Variants in SELENOT observed in about 807,000 individuals in gnomAD.
The protein encoded by SELENOT is selenoprotein T.
SELENOT carries 9 observed loss-of-function variants against 24.3 expected under a neutral mutation model. The observed-to-expected ratio is 0.37, with a 90% CI of 0.22 to 0.65. SELENOT has a LOEUF of 0.65. Among genes scored for constraint, SELENOT ranks in the 30% least tolerant of loss-of-function variants. The pLI is 0.60. For missense variants in SELENOT, 166 were observed against 247.6 expected (o/e 0.67, Z 2.21); for synonymous variants, 81 against 86.0 (o/e 0.94, Z 0.32).
chr3:150,621,697 G>T (rs1365075844), intron 1 of SELENOT, among the ~76,000 whole-genome samples: 1 of 135,190 alleles, frequency 7.4e-6, no homozygotes, highest in African/African-American at 2.7e-5. Flanking sequence ...TTAATCTCCA[G>T]AGTAATTATA....
In SELENOT at chr3:150,603,358, T is replaced by A. The variant is rs1725886947; in HGVS notation, c.-5T>A. 1 of 1,609,634 alleles carries A rather than the reference T, an allele frequency of 6.2e-7. No homozygotes were observed. Among genetic ancestry groups the A allele is most frequent in the Admixed American group, 1.7e-5 (1 of 59,786 alleles). The stretch of plus-strand genomic sequence containing the variant: ...AGGGCGGCCGAAGTGGCTGGCTCAT[T>A]TAAGATGAGGCTTCTGCTGCTTCTC... On this transcript the variant is annotated 5_prime_UTR_variant, in exon 1 of 6. Coordinates refer to ENST00000471696, the MANE Select transcript of SELENOT (RefSeq NM_016275.5).
chr3:150,615,252 C>A (rs1473676533), intron 1 of SELENOT, among the ~76,000 whole-genome samples: 66 of 152,046 alleles, frequency 4.3e-4, no homozygotes, highest in African/African-American at 1.4e-3. Context: ...CATTTTCTTA[C>A]TCCAGTCTAT....
chr3:150,619,533 C>CA (rs567349505), intron 1 of SELENOT, among the ~76,000 whole-genome samples: 5 of 151,966 alleles, frequency 3.3e-5, no homozygotes, highest in South Asian at 2.1e-4. Flanking sequence ...GAGACTGTCT[C>CA]AAAAAAAAGA....
intron 3 of SELENOT, among the ~76,000 whole-genome samples, 197 bp downstream of exon 3, chr3:150,623,366 T>C (rs1726380883): frequency 6.6e-6 from 1 of 152,140 alleles, no homozygotes; most frequent in African/African-American, 2.4e-5. Flanking sequence ...TTAAGAATGA[T>C]TAGGTCTTAA....
chr3:150,627,159 C>G lies in SELENOT; in HGVS notation c.*25C>G. 1.9e-6 allele frequency: 3 copies of G among 1,600,692 alleles called. No individual in the cohort carries two copies. Among genetic ancestry groups the G allele is most frequent in the Non-Finnish European group, 2.6e-6 (3 of 1,172,776 alleles). On this transcript the variant is annotated 3_prime_UTR_variant, in exon 5 of 6. Coordinates refer to ENST00000471696, the MANE Select transcript of SELENOT (RefSeq NM_016275.5). ...GCACCACCTATCAGCACTGAAAACTCTTTTGTAAGTTGTTTAAAATATAGC... is the reference window on the plus strand; with the variant it reads ...GCACCACCTATCAGCACTGAAAACTGTTTTGTAAGTTGTTTAAAATATAGC...
chr3:150,604,497 A>G (rs1188732446), intron 1 of SELENOT, among the ~76,000 whole-genome samples: 1 of 152,202 alleles, frequency 6.6e-6, no homozygotes, highest in African/African-American at 2.4e-5. Context: ...CAGAGTCCGG[A>G]TACATTGGAA....
chr3:150,620,676 A>G (rs1726323596), intron 1 of SELENOT, among the ~76,000 whole-genome samples: 2 of 152,330 alleles, frequency 1.3e-5, no homozygotes, highest in African/African-American at 4.8e-5. Context: ...CCAAGTCTCT[A>G]GTTCTCAAAT....
chr3:150,615,305 G>C (rs1174650691), intron 1 of SELENOT, among the ~76,000 whole-genome samples: 1 of 151,624 alleles, frequency 6.6e-6, no homozygotes, highest in African/African-American at 2.4e-5. Context: ...TTGCTATTGT[G>C]AATAATGCCG....
intron 1 of SELENOT, chr3:150,611,364 A>G (rs1232373332): frequency 8.4e-7 from 1 of 1,196,042 alleles, no homozygotes; most frequent in Non-Finnish European, 1.2e-6. Flanking sequence ...GAATAGACCT[A>G]AAGTGGCAAC....
intron 1 of SELENOT, among the ~76,000 whole-genome samples, chr3:150,610,928 C>T (rs1726071568): frequency 6.6e-6 from 1 of 151,448 alleles, no homozygotes; most frequent in African/African-American, 2.4e-5. Context: ...TGACCATTGT[C>T]TTGTTGGTCA....
At chr3:150,615,859 C>T (rs1316772750) in intron 1 of SELENOT, among the ~76,000 whole-genome samples, 1 of 151,090 alleles carries the variant, frequency 6.6e-6, no homozygotes, top group African/African-American at 2.4e-5. Flanking sequence ...CTTTAAAGTT[C>T]ATATGGAACC....
chr3:150,603,798 G>C lies in SELENOT; in HGVS notation c.137+299G>C, dbSNP rs371989334. The C allele has an allele frequency of 4.1e-4, 99 of 239,232 alleles. No individual in the cohort carries two copies. In the Middle Eastern group the frequency reaches 4.8e-3, roughly 12 times the overall value. The allele number at this position is 239,232 out of a possible 1,614,324, so 14.8% of individuals were successfully genotyped here. A position where few individuals can be genotyped will look rare whatever the true frequency, so the allele number is the denominator to read the frequency against. ...ACTGGGGGACACCTGTTAGTACGGA[G>C]GACTGGTTGGCGGCGTCACGCCATA... is the stretch of plus-strand genomic sequence containing the variant. On this transcript the variant is annotated intron_variant, in intron 1 of 5. Coordinates refer to ENST00000471696, the MANE Select transcript of SELENOT (RefSeq NM_016275.5).
intron 1 of SELENOT, chr3:150,611,425 T>C: frequency 8.0e-7 from 1 of 1,249,888 alleles, no homozygotes; most frequent in Non-Finnish European, 1.2e-6. Context: ...GGTTGGTGGC[T>C]TTAAGTGTCT....
chr3:150,626,590 T>C (rs1726450439), intron 4 of SELENOT, among the ~76,000 whole-genome samples: 1 of 152,196 alleles, frequency 6.6e-6, no homozygotes, highest in Non-Finnish European at 1.5e-5. Context: ...ATGCTGATTT[T>C]CTCTTATTTT....
Position 150,628,403 on chromosome 3 carries a change from C to T in SELENOT, c.*774C>T, listed in dbSNP as rs1336155473. Reference sequence around the variant, plus strand: ...TAAATTTAAAAGTTTCAATTTATTGCTCAGTGTACCTGTTAACATTATATT... The same window carrying T: ...TAAATTTAAAAGTTTCAATTTATTGTTCAGTGTACCTGTTAACATTATATT... On this transcript the variant is annotated 3_prime_UTR_variant, in exon 6 of 6. Coordinates refer to ENST00000471696, the MANE Select transcript of SELENOT (RefSeq NM_016275.5). The T allele has an allele frequency of 6.6e-6, 1 of 152,568 alleles. No homozygotes were observed. The highest frequency in any genetic ancestry group is 2.4e-5 in the African/African-American group (1 of 41,426). 9.5% of individuals were successfully genotyped at this position (152,568 alleles called of 1,614,324 possible). A position where few individuals can be genotyped will look rare whatever the true frequency, so the allele number is the denominator to read the frequency against.
Position 150,622,425 on chromosome 3 carries a change from C to T in SELENOT, c.178C>T (p.Arg60Trp), listed in dbSNP as rs996765114. 1.2e-5 allele frequency: 18 copies of T among 1,493,486 alleles called. No individual in the cohort carries two copies. The highest frequency in any genetic ancestry group is 6.6e-5 in the South Asian group (5 of 76,282). 92.5% of individuals were successfully genotyped at this position (1,493,486 alleles called of 1,614,324 possible). Residue 60 changes from arginine (R) to tryptophan (W), a missense_variant, in exon 2 of 6, where the codon CGG becomes TGG. Coordinates refer to ENST00000471696, the MANE Select transcript of SELENOT (RefSeq NM_016275.5). ...TAGGCGGGTGTTTGAGGAGTACATG[C>T]GGGTTATTAGCCAGCGGTACCCAGA... ...GYRRVFEEYM[R>W]VISQRYPDIR...
chr3:150,607,590 G>T (rs1249780765), intron 1 of SELENOT, among the ~76,000 whole-genome samples: 1 of 152,218 alleles, frequency 6.6e-6, no homozygotes, highest in Non-Finnish European at 1.5e-5. Flanking sequence ...TTCAATTGGT[G>T]TTAAGTGCTG....
At chr3:150,613,987 A>C (rs945940647) in intron 1 of SELENOT, among the ~76,000 whole-genome samples, 2 of 152,170 alleles carry the variant, frequency 1.3e-5, no homozygotes, top group Non-Finnish European at 2.9e-5. Context: ...ACATTCATCA[A>C]GAGACAGTAC....
chr3:150,620,043 A>G (rs769704230), intron 1 of SELENOT, among the ~76,000 whole-genome samples: 2 of 152,230 alleles, frequency 1.3e-5, no homozygotes, highest in Non-Finnish European at 2.9e-5. Context: ...GCTAAATTCT[A>G]TTTGGAGTTT....
Sources: gnomAD v4.1 joint callset for allele counts (sites outside exome capture counted in the v4.1 genomes callset) on GRCh38, gnomAD v4.1.1 for gene constraint, MANE v1.5 for transcripts, NCBI Gene and HGNC (gene_info 2026-07-23, HGNC 2026-07-21) for gene names.